TBC1D5: variants seen among roughly 807,000 people sequenced by gnomAD.
The protein encoded by TBC1D5 is TBC1 domain family member 5.
In TBC1D5, 75 loss-of-function variants were observed where a neutral mutation model predicts 100.3. The observed-to-expected ratio is 0.75, with a 90% CI of 0.62 to 0.91. TBC1D5 has a LOEUF of 0.91. TBC1D5 is among the 40% of genes least tolerant of loss of function. TBC1D5 has a pLI of 0.00. For missense variants in TBC1D5, 910 were observed against 942.4 expected (o/e 0.97, Z 0.45); for synonymous variants, 323 against 325.6 (o/e 0.99, Z 0.09).
At chr3:17,476,996 G>A (rs2095445354) in intron 3 of TBC1D5, among the ~76,000 whole-genome samples, 1 of 150,606 alleles carries the variant, frequency 6.6e-6, no homozygotes, top group South Asian at 2.1e-4. Context: ...ATTTTAAAGA[G>A]AAAACTTTTA....
intron 18 of TBC1D5, among the ~76,000 whole-genome samples, chr3:17,201,747 G>A (rs1208643187): frequency 6.6e-6 from 1 of 152,162 alleles, no homozygotes; most frequent in Non-Finnish European, 1.5e-5. Flanking sequence ...TGTGTAAGAT[G>A]TGAATCCTTC....
At chr3:17,386,266 T>C (rs1178096203) in intron 8 of TBC1D5, among the ~76,000 whole-genome samples, 1 of 152,102 alleles carries the variant, frequency 6.6e-6, no homozygotes, top group Non-Finnish European at 1.5e-5. Context: ...TCCTCATCTA[T>C]TCTTTGGAAA....
At chr3:17,237,042 A>G (rs149643531) in intron 17 of TBC1D5, among the ~76,000 whole-genome samples, 225 of 152,356 alleles carry the variant, frequency 1.5e-3, no homozygotes, top group African/African-American at 5.3e-3. Context: ...ATCAGAAACT[A>G]ATTTTGAATG....
rs541050642 is a variant in TBC1D5, at chr3:17,494,932, G to A, written c.97+13542C>T. On this transcript the variant is annotated intron_variant, in intron 3 of 21. Transcript: ENST00000253692. The stretch of plus-strand genomic sequence containing the variant: ...TCATGAGGGGATACCCTGATCCCTG[G>A]GTTGCACAGATCCATGAAAAATACA... Among the ~76,000 whole-genome samples the A allele has an allele frequency of 6.0e-4, 92 of 152,310 alleles. 2 individuals carry two copies. The highest frequency in any genetic ancestry group is 3.0e-3 in the Admixed American group (46 of 15,298).
rs181359974 is a variant in TBC1D5, at chr3:17,172,226, G to A, written c.1853-4398C>T. Among the ~76,000 whole-genome samples, 209 of 152,328 alleles carry A rather than the reference G, an allele frequency of 1.4e-3. 3 individuals are homozygous for A. In the South Asian group the frequency reaches 0.026, roughly 19 times the overall value. ...AAAAGGGCACCTTCAGAGGCTGTTA[G>A]ATGTTTTGAGTACAAGAATATACAT... On this transcript the variant is annotated intron_variant, in intron 19 of 21. Transcript: ENST00000253692.
intron 2 of TBC1D5, among the ~76,000 whole-genome samples, chr3:17,605,827 A>C (rs2061303628): frequency 6.6e-6 from 1 of 152,210 alleles, no homozygotes; most frequent in African/African-American, 2.4e-5. Context: ...CAATACAGAA[A>C]TTATATTTAT....
intron 2 of TBC1D5, among the ~76,000 whole-genome samples, chr3:17,539,057 C>A (rs964209619): frequency 1.3e-5 from 2 of 152,134 alleles, no homozygotes; most frequent in African/African-American, 4.8e-5. Context: ...ATGGTGCATG[C>A]CTGTAATTCC....
chr3:17,425,989 C>G (rs2094326040), intron 4 of TBC1D5, among the ~76,000 whole-genome samples: 1 of 151,894 alleles, frequency 6.6e-6, no homozygotes, highest in Non-Finnish European at 1.5e-5. Flanking sequence ...TAAAGTAAAT[C>G]TTAACCCTAG....
chr3:17,509,951 A>T (rs2095884840), intron 2 of TBC1D5, among the ~76,000 whole-genome samples: 1 of 152,078 alleles, frequency 6.6e-6, no homozygotes, highest in Non-Finnish European at 1.5e-5. Context: ...CACTATTTGT[A>T]AATTTTATAT....
intron 17 of TBC1D5, among the ~76,000 whole-genome samples, chr3:17,222,560 A>G (rs1409917881): frequency 6.6e-6 from 1 of 152,190 alleles, no homozygotes; most frequent in Non-Finnish European, 1.5e-5. Flanking sequence ...CAGAACTTTG[A>G]AAACAAACTT....
chr3:17,271,081 T>C (rs1346212307), intron 15 of TBC1D5, among the ~76,000 whole-genome samples: 4 of 152,220 alleles, frequency 2.6e-5, no homozygotes, highest in Non-Finnish European at 4.4e-5. Context: ...TTGCTTAGGA[T>C]TGCTTTGGCT....
rs2068885062 is a variant in TBC1D5, at chr3:17,185,192, G to C, written c.1769C>G (p.Ala590Gly). 5 of 1,613,070 alleles carry C rather than the reference G, an allele frequency of 3.1e-6. No homozygotes were observed. The East Asian group carries it at 1.1e-4, about 36-fold the overall frequency. ...CTGCCCTTGAAGGAAGGAAATTTGG[G>C]CTTCTAATTCTTCTTCCTAAAATAA... Residue 590 changes from alanine (A) to glycine (G), a missense_variant, in exon 19 of 22, where the codon GCC becomes GGC. Coordinates refer to ENST00000253692, the Ensembl canonical transcript of TBC1D5.
Position 17,523,702 on chromosome 3 carries a change from T to C in TBC1D5, c.-35-15097A>G, listed in dbSNP as rs575500159. Among the ~76,000 whole-genome samples the C allele has an allele frequency of 9.9e-5, 15 of 152,278 alleles. No homozygotes were observed. In the East Asian group the frequency reaches 1.9e-3, roughly 20 times the overall value. Reference sequence around the variant, plus strand: ...CGTATGAAATGCAAATTATTAACAATAAAGCTTTACATTTAAATAGCAGTT... The same window carrying C: ...CGTATGAAATGCAAATTATTAACAACAAAGCTTTACATTTAAATAGCAGTT... On this transcript the variant is annotated intron_variant, in intron 2 of 21. Transcript: ENST00000253692.
intron 3 of TBC1D5, among the ~76,000 whole-genome samples, chr3:17,455,237 CAT>C (rs199498231): frequency 7.2e-5 from 10 of 138,790 alleles, no homozygotes; most frequent in African/African-American, 1.9e-4. Context: ...ATATTGTATA[CAT>C]ATATTATTGT....
chr3:17,274,743 G>A (rs149486922), intron 15 of TBC1D5, among the ~76,000 whole-genome samples: 3 of 152,160 alleles, frequency 2.0e-5, no homozygotes, highest in African/African-American at 7.2e-5. Context: ...TATTTTTATT[G>A]CTGTTGTTGT....
chr3:17,362,735 G>A (rs575092245), intron 13 of TBC1D5, among the ~76,000 whole-genome samples: 3 of 152,272 alleles, frequency 2.0e-5, no homozygotes, highest in African/African-American at 7.2e-5. Context: ...GCCTGCCAAA[G>A]TGCTGGAATT....
intron 14 of TBC1D5, among the ~76,000 whole-genome samples, chr3:17,306,232 C>T (rs922502718): frequency 6.6e-6 from 1 of 152,150 alleles, no homozygotes; most frequent in Non-Finnish European, 1.5e-5. Context: ...AGCTAGGTGC[C>T]TCTCCTTAAG....
At chr3:17,355,065 A>G (rs1458152914) in intron 13 of TBC1D5, among the ~76,000 whole-genome samples, 1 of 152,128 alleles carries the variant, frequency 6.6e-6, no homozygotes, top group African/African-American at 2.4e-5. Context: ...TTTGCAATCC[A>G]AAGGATGGGA....
chr3:17,519,396 G>A (rs971060211), intron 2 of TBC1D5, among the ~76,000 whole-genome samples: 3 of 152,096 alleles, frequency 2.0e-5, no homozygotes, highest in African/African-American at 7.2e-5. Flanking sequence ...CCTCTGCAAG[G>A]CACTACTGTT....
Sources: allele counts gnomAD v4.1 joint callset (sites outside exome capture counted in the v4.1 genomes callset), GRCh38; gene constraint gnomAD v4.1.1; transcripts MANE v1.5; gene names NCBI Gene and HGNC (gene_info 2026-07-23, HGNC 2026-07-21).